FAM178B: variants seen among roughly 807,000 people sequenced by gnomAD.
FAM178B encodes protein FAM178B.
Under a neutral mutation model 91.7 loss-of-function variants are expected in FAM178B, and 82 were observed. The observed-to-expected ratio is 0.89, with a 90% CI of 0.75 to 1.07. The LOEUF is 1.07. FAM178B is among the 50% of genes least tolerant of loss of function. The pLI, the probability that FAM178B is intolerant of heterozygous loss-of-function variation, is 0.00. For missense variants in FAM178B, 769 were observed against 846.7 expected (o/e 0.91, Z 1.14); for synonymous variants, 368 against 359.4 (o/e 1.02, Z -0.27).
In FAM178B at chr2:96,877,564, G is replaced by A. The variant is rs555275159; in HGVS notation, c.2007+326C>T. Among the ~76,000 whole-genome samples, 61 of 152,246 alleles carry A rather than the reference G, an allele frequency of 4.0e-4. 1 individual carries two copies. The East Asian group carries it at 4.8e-3, about 12-fold the overall frequency. ...ATTACAGGCGCACACCACCGCGCCC[G>A]GCTAATTTTTTTAATCTTTGGTAGA... On this transcript the variant is annotated intron_variant, in intron 16 of 16. Transcript: ENST00000490605.
At chr2:96,929,373 G>A (rs1001504500) in intron 8 of FAM178B, 53 bp from the exon 9 acceptor site, 42 of 1,247,352 alleles carry the variant, frequency 3.4e-5, no homozygotes, top group African/African-American at 1.9e-4. Flanking sequence ...AGGGCAGGGT[G>A]CACCACTCCC....
At chr2:96,951,321 T>TGCCGGGCC in intron 7 of FAM178B, 58 bp downstream of exon 7, 1 of 1,294,890 alleles carries the variant, frequency 7.7e-7, no homozygotes, top group Non-Finnish European at 1.1e-6. Context: ...CCTGTGGGCC[T>TGCCGGGCC]GCCGGGCCAC....
Position 96,986,420 on chromosome 2 carries a change from A to T in FAM178B, c.-107T>A. 1 of 1,365,490 alleles carries T rather than the reference A, an allele frequency of 7.3e-7. No homozygotes were observed. Among genetic ancestry groups the T allele is most frequent in the Non-Finnish European group, 9.7e-7 (1 of 1,029,178 alleles). 84.6% of individuals were successfully genotyped at this position (1,365,490 alleles called of 1,614,324 possible). A position where few individuals can be genotyped will look rare whatever the true frequency, so the allele number is the denominator to read the frequency against. On this transcript the variant is annotated 5_prime_UTR_variant, in exon 1 of 17. Transcript: ENST00000490605. ...GAAAGGAAGCAGGAGCAGGCTCCCC[A>T]GGCGGCGCAGTGGGAGGACCCCAAG...
chr2:96,970,669 A>G (rs1049089485), intron 4 of FAM178B, 47 bp downstream of exon 4: 12 of 1,446,140 alleles, frequency 8.3e-6, no homozygotes, highest in Non-Finnish European at 1.1e-5. Context: ...ACTGCTGCCA[A>G]CCCTGCAGAA....
intron 1 of FAM178B, among the ~76,000 whole-genome samples, chr2:96,984,128 C>T (rs1316021808): frequency 6.6e-6 from 1 of 151,990 alleles, no homozygotes; most frequent in African/African-American, 2.4e-5. Flanking sequence ...TGCCACCACA[C>T]CCAGCTAATT....
At position 96,923,674 on chromosome 2, in the gene FAM178B, G is replaced by A. The variant is rs985433189; in HGVS notation, c.1194-91C>T. On this transcript the variant is annotated intron_variant, in intron 9 of 16. Transcript: ENST00000490605. Reference sequence around the variant, plus strand: ...GCAAAGTGGGACACTGCTGCCCTGAGGCTGCTCATCCGCTGGACACAGCAA... The same window carrying A: ...GCAAAGTGGGACACTGCTGCCCTGAAGCTGCTCATCCGCTGGACACAGCAA... 5 of 922,678 alleles carry A rather than the reference G, an allele frequency of 5.4e-6. No homozygotes were observed. In the East Asian group the frequency reaches 1.3e-4, roughly 25 times the overall value. The allele number at this position is 922,678 out of a possible 1,614,324, so 57.2% of individuals were successfully genotyped here.
At chr2:96,890,692 G>A (rs1012378958) in intron 14 of FAM178B, among the ~76,000 whole-genome samples, 2 of 152,206 alleles carry the variant, frequency 1.3e-5, no homozygotes, top group Non-Finnish European at 2.9e-5. Context: ...GCGGCCAAAA[G>A]AACAGTCTCC....
intron 7 of FAM178B, among the ~76,000 whole-genome samples, chr2:96,950,314 G>T: frequency 6.6e-6 from 1 of 152,158 alleles, no homozygotes; most frequent in Admixed American, 6.5e-5. Flanking sequence ...TGCTCCTTCT[G>T]GGCCTTGGGT....
At chr2:96,928,190 C>T (rs555475210) in intron 9 of FAM178B, among the ~76,000 whole-genome samples, 11 of 152,276 alleles carry the variant, frequency 7.2e-5, no homozygotes, top group Non-Finnish European at 1.2e-4. Context: ...CACCTCCTGG[C>T]GCTGACGGAT....
chr2:96,893,128 G>A (rs965880359), intron 14 of FAM178B, among the ~76,000 whole-genome samples: 4 of 152,128 alleles, frequency 2.6e-5, no homozygotes, highest in East Asian at 1.9e-4. Context: ...TCCAGCCTCC[G>A]AGTGAGTTTC....
intron 4 of FAM178B, among the ~76,000 whole-genome samples, chr2:96,968,204 T>C (rs575424674): frequency 5.4e-4 from 82 of 152,146 alleles, no homozygotes; most frequent in Admixed American, 1.8e-3. Flanking sequence ...GGCCTGACTC[T>C]GCAGCCACTT....
At chr2:96,974,653 A>G (rs755528277) in intron 1 of FAM178B, among the ~76,000 whole-genome samples, 1 of 152,202 alleles carries the variant, frequency 6.6e-6, no homozygotes, top group Admixed American at 6.5e-5. Context: ...TGAAAATGCA[A>G]GTATGCAAAA....
chr2:96,908,567 T>A (rs992653913), intron 12 of FAM178B, among the ~76,000 whole-genome samples: 5 of 151,898 alleles, frequency 3.3e-5, no homozygotes, highest in Non-Finnish European at 5.9e-5. Flanking sequence ...ACAGGTAAAA[T>A]GAATCTATGT....
At chr2:96,912,483 G>C (rs1574236748) in intron 12 of FAM178B, among the ~76,000 whole-genome samples, 3 of 152,080 alleles carry the variant, frequency 2.0e-5, no homozygotes, top group Admixed American at 2.0e-4. Context: ...GGCAGCTGAG[G>C]AAGCCAGGAG....
chr2:96,913,559 C>T lies in FAM178B; in HGVS notation c.1562+7606G>A, dbSNP rs1037382447. Among the ~76,000 whole-genome samples the T allele has an allele frequency of 1.8e-4, 27 of 152,268 alleles. 1 individual carries two copies. The highest frequency in any genetic ancestry group is 1.5e-3 in the East Asian group (8 of 5,172). ...TTCGAGGGAAGCCACGGTGCATCTG[C>T]GCCTGTCCCAGCTCTTATCCCCAGT... On this transcript the variant is annotated intron_variant, in intron 12 of 16. Transcript: ENST00000490605.
At chr2:96,936,234 C>T (rs1273071106) in intron 8 of FAM178B, among the ~76,000 whole-genome samples, 8 of 152,122 alleles carry the variant, frequency 5.3e-5, no homozygotes, top group Non-Finnish European at 1.2e-4. Context: ...CGGAGTCTCG[C>T]TCTGTTGCCC....
intron 1 of FAM178B, among the ~76,000 whole-genome samples, chr2:96,982,975 C>A (rs567390018): frequency 1.3e-5 from 2 of 151,824 alleles, no homozygotes; most frequent in East Asian, 3.9e-4. Flanking sequence ...AGCTCTTGAG[C>A]CGAAGCAATC....
At chr2:96,940,249 G>A (rs2153372515) in intron 8 of FAM178B, among the ~76,000 whole-genome samples, 1 of 152,280 alleles carries the variant, frequency 6.6e-6, no homozygotes. Context: ...ACGGTATGGG[G>A]TCCAGGGCCC....
At chr2:96,911,571 A>C (rs1399171038) in intron 12 of FAM178B, among the ~76,000 whole-genome samples, 1 of 152,232 alleles carries the variant, frequency 6.6e-6, no homozygotes, top group East Asian at 1.9e-4. Flanking sequence ...GATTTTATGC[A>C]CATCAGCAAT....
Sources: allele counts gnomAD v4.1 joint callset (sites outside exome capture counted in the v4.1 genomes callset), GRCh38; gene constraint gnomAD v4.1.1; transcripts MANE v1.5; gene names NCBI Gene and HGNC (gene_info 2026-07-23, HGNC 2026-07-21).